The following ADAT2 variants were observed in gnomAD, a reference collection of about 807,000 sequenced individuals.
ADAT2 encodes the protein adenosine deaminase tRNA specific 2, also known as tRNA-specific adenosine-34 deaminase catalytic subunit ADAT2.
ADAT2 carries 26 observed loss-of-function variants against 25.9 expected under a neutral mutation model. The observed-to-expected ratio is 1.00, with a 90% confidence interval of 0.74 to 1.39. The LOEUF (loss-of-function observed/expected upper bound fraction) is 1.39, where lower values mean the gene tolerates loss of function less well. ADAT2 is among the 40% of genes most tolerant of loss of function. The pLI is 0.00. For missense variants in ADAT2, 220 were observed against 244.8 expected, an observed-to-expected ratio of 0.90 and a Z score of 0.68; for synonymous variants, 76 against 86.8, an observed-to-expected ratio of 0.88 and a Z score of 0.69.
intron 1 of ADAT2, 22 bp from the exon 2 acceptor site, chr6:143,438,716 G>C (rs1282443076): frequency 6.3e-7 from 1 of 1,577,024 alleles, no homozygotes; most frequent in Admixed American, 1.7e-5. Context: ...AGTGGAAAAT[G>C]TAAGACGTAA....
chr6:143,448,495 T>C (rs2128744357), intron 1 of ADAT2, among the ~76,000 whole-genome samples: 1 of 152,254 alleles, frequency 6.6e-6, no homozygotes, highest in African/African-American at 2.4e-5. Context: ...GTAATATACA[T>C]GTTACATACA....
intron 1 of ADAT2, among the ~76,000 whole-genome samples, chr6:143,439,505 C>G (rs1159476448): frequency 6.6e-6 from 1 of 152,100 alleles, no homozygotes; most frequent in East Asian, 1.9e-4. Context: ...TACTAGTCGG[C>G]AATAAAAAGG....
At chr6:143,445,044 G>A (rs755288687) in intron 1 of ADAT2, 8 of 944,436 alleles carry the variant, frequency 8.5e-6, no homozygotes, top group South Asian at 5.7e-5. Flanking sequence ...CTGTCCAAAA[G>A]GCTAAACTAT....
rs1178450911 is a variant in ADAT2, at chr6:143,450,633, G to C, written c.26C>G (p.Pro9Arg). ...CACCGAGCACGCGCCGCTTGCAGCT[G>C]GCTTGGGTGCCGCCTTCGCCTCCAT... MEAKAAPKPAASGACSVSA... is the reference protein window; with the variant it reads MEAKAAPKRAASGACSVSA... The change falls in exon 1 of 6, where the codon CCA (proline) becomes CGA (arginine). Residue 9 changes from proline (P) to arginine (R), a missense_variant. Pro to Arg is a moderately radical substitution (Grantham distance 103, BLOSUM62 -2). Coordinates refer to ENST00000237283, the MANE Select transcript of ADAT2 (RefSeq NM_182503.3). 16 of 1,613,816 alleles carry C rather than the reference G, an allele frequency of 9.9e-6. No homozygotes were observed. The highest frequency in any genetic ancestry group is 1.4e-5 in the Non-Finnish European group (16 of 1,180,040).
chr6:143,450,688 C>T lies in ADAT2; in HGVS notation c.-30G>A. 2.5e-6 allele frequency: 4 copies of T among 1,608,138 alleles called. No homozygotes were observed. The highest frequency in any genetic ancestry group is 3.4e-6 in the Non-Finnish European group (4 of 1,177,840). Reference sequence around the variant, plus strand: ...AGCCACCACTCAGCTACAGAGCCCGCGGCAGAGGAGGAGCGCGGGCAGCGG... The same window carrying T: ...AGCCACCACTCAGCTACAGAGCCCGTGGCAGAGGAGGAGCGCGGGCAGCGG... On this transcript the variant is annotated 5_prime_UTR_variant, in exon 1 of 6. Coordinates refer to ENST00000237283, the MANE Select transcript of ADAT2 (RefSeq NM_182503.3).
chr6:143,441,957 A>T (rs1779469830), intron 1 of ADAT2: 1 of 152,242 alleles, frequency 6.6e-6, no homozygotes, highest in Admixed American at 6.5e-5. Context: ...TGGTCGGAAT[A>T]TAAAATGGTA....
intron 1 of ADAT2, among the ~76,000 whole-genome samples, chr6:143,449,493 T>C (rs889505624): frequency 6.6e-6 from 1 of 152,214 alleles, no homozygotes; most frequent in African/African-American, 2.4e-5. Context: ...TACACAGGAT[T>C]AAGGAGGCAG....
chr6:143,435,158 A>T lies in ADAT2; in HGVS notation c.202-1177T>A, dbSNP rs796342449. Among the ~76,000 whole-genome samples the T allele has an allele frequency of 2.0e-3, 135 of 67,476 alleles. 2 individuals are homozygous for T. The highest frequency in any genetic ancestry group is 2.0e-3 in the Non-Finnish European group (60 of 29,534). The allele number at this position is 67,476 out of a possible 152,430, so 44.3% of individuals were successfully genotyped here. On this transcript the variant is annotated intron_variant, in intron 2 of 5. Transcript: ENST00000237283. ...CACACCAAAACTAAGTGGAGAGTTTAAAAAAAAAAAAAAAAAAAAGGTTTC... is the reference window on the plus strand; with the variant it reads ...CACACCAAAACTAAGTGGAGAGTTTTAAAAAAAAAAAAAAAAAAAGGTTTC...
At chr6:143,433,787 C>G in intron 3 of ADAT2, 44 bp downstream of exon 3, 1 of 1,553,544 alleles carries the variant, frequency 6.4e-7, no homozygotes, top group African/African-American at 1.4e-5. Context: ...CTCTCTTGTT[C>G]ACACGAATGG....
In ADAT2 at chr6:143,446,250, C is replaced by G. The variant is rs942908926; in HGVS notation, c.96+4313G>C. Among the ~76,000 whole-genome samples, 4 of 152,066 alleles carry G rather than the reference C, an allele frequency of 2.6e-5. No individual in the cohort carries two copies. The highest frequency in any genetic ancestry group is 9.7e-5 in the African/African-American group (4 of 41,404). ...ATACAGTTCAGCAGTCTGCCCTTTT[C>G]ATTTAGAAATGTATTGTTAACCTTT... On this transcript the variant is annotated intron_variant, in intron 1 of 5. Coordinates refer to ENST00000237283, the MANE Select transcript of ADAT2 (RefSeq NM_182503.3). This position sits in a 1 kb window ranked among gnomAD's most constrained non-coding sequence, Gnocchi z 5.0.
rs1171636726 is a variant in ADAT2 at position 143,434,365 on chromosome 6, A to G, written c.202-384T>C. Among the ~76,000 whole-genome samples the G allele has an allele frequency of 6.6e-6, 1 of 152,200 alleles. No homozygotes were observed. Among genetic ancestry groups the G allele is most frequent in the African/African-American group, 2.4e-5 (1 of 41,448 alleles). On this transcript the variant is annotated intron_variant, in intron 2 of 5. Transcript: ENST00000237283. The surrounding 1 kb of genome is among the most constrained non-coding windows in gnomAD (Gnocchi z 4.5). ...TTCATAAGCTTGTGCTCTAGTTTCA[A>G]ATATATTTTCAAGGCTGTCACTGAC...
rs1180499765 is a variant in ADAT2 at position 143,428,600 on chromosome 6, C to T, written c.532+12G>A. The T allele has an allele frequency of 2.5e-6, 4 of 1,613,690 alleles. No homozygotes were observed. Among genetic ancestry groups the T allele is most frequent in the African/African-American group, 2.7e-5 (2 of 74,924 alleles). ...TTTAAGGGAAGGACATTATCCACAA[C>T]AGAAAACTGACCATTTGGATTTTCT... On this transcript the variant is annotated intron_variant, in intron 5 of 5. Coordinates refer to ENST00000237283, the MANE Select transcript of ADAT2 (RefSeq NM_182503.3). The surrounding 1 kb of genome is among the most constrained non-coding windows in gnomAD (Gnocchi z 5.0).
At chr6:143,433,695 TGGCTAAGACACACTATA>T in intron 3 of ADAT2, 119 bp downstream of exon 3, 2 of 818,948 alleles carry the variant, frequency 2.4e-6, no homozygotes, top group African/African-American at 1.7e-5. Flanking sequence ...TTCTTTTTTT[TGGCTAAGACACACTATA>T]TTTTACAAGG....
chr6:143,447,415 A>G (rs908815000), intron 1 of ADAT2, among the ~76,000 whole-genome samples: 1 of 152,208 alleles, frequency 6.6e-6, no homozygotes, highest in Non-Finnish European at 1.5e-5. Flanking sequence ...AGGAGTGACT[A>G]ATATATTAAG....
rs1332765826 is a variant in ADAT2, at chr6:143,423,128, CA to C, written c.*5334del. 1 of 152,172 alleles carries C rather than the reference CA, an allele frequency of 6.6e-6. No individual in the cohort carries two copies. The highest frequency in any genetic ancestry group is 1.5e-5 in the Non-Finnish European group (1 of 68,052). 9.4% of individuals were successfully genotyped at this position (152,172 alleles called of 1,614,324 possible). A position where few individuals can be genotyped will look rare whatever the true frequency, so the allele number is the denominator to read the frequency against. ...TCTCAGCCTTTTACCTACTCTAGACCAGGGGCAGCTAACATTTTCTCGAAGG... is the reference window on the plus strand; with the variant it reads ...TCTCAGCCTTTTACCTACTCTAGACCGGGGCAGCTAACATTTTCTCGAAGG... On this transcript the variant is annotated 3_prime_UTR_variant, in exon 6 of 6. Transcript: ENST00000237283.
At chr6:143,445,784 A>G (rs938710375) in intron 1 of ADAT2, among the ~76,000 whole-genome samples, 17 of 152,272 alleles carry the variant, frequency 1.1e-4, no homozygotes, top group African/African-American at 4.1e-4. Flanking sequence ...CACCCAGCAC[A>G]AGGTCTAACA....
rs1779304395 is a variant in ADAT2, at chr6:143,436,902, C to T, written c.201+1688G>A. Reference sequence around the variant, plus strand: ...AAAGTATGACTTACATATATTCATGCTTCTCACTTATTACAGGGTAAATTT... The same window carrying T: ...AAAGTATGACTTACATATATTCATGTTTCTCACTTATTACAGGGTAAATTT... On this transcript the variant is annotated intron_variant, in intron 2 of 5. Transcript: ENST00000237283. This position sits in a 1 kb window ranked among gnomAD's most constrained non-coding sequence, Gnocchi z 4.1. Among the ~76,000 whole-genome samples the T allele has an allele frequency of 6.6e-6, 1 of 152,110 alleles. No individual in the cohort carries two copies. The highest frequency in any genetic ancestry group is 1.5e-5 in the Non-Finnish European group (1 of 67,990).
chr6:143,450,587 C>T lies in ADAT2; in HGVS notation c.72G>A (p.Lys24=), dbSNP rs776098874. Residue 24 remains lysine, a synonymous_variant, in exon 1 of 6, where the codon AAG becomes AAA. Transcript: ENST00000237283. The stretch of plus-strand genomic sequence containing the variant: ...CCATGTGCATCGCCTCCTCCATCCA[C>T]TTTTCGGTCTCCTCTGCCGACACCG... ...ACSVSAEETE[K]WMEEAMHMAK... 5 of 1,614,178 alleles carry T rather than the reference C, an allele frequency of 3.1e-6. 1 individual carries two copies. In the South Asian group the frequency reaches 5.5e-5, roughly 18 times the overall value.
chr6:143,438,620 C>G lies in ADAT2; in HGVS notation c.171G>C (p.Lys57Asn), dbSNP rs756385163. Residue 57 changes from lysine (K) to asparagine (N), a missense_variant, in exon 2 of 6, where the codon AAG becomes AAC. Coordinates refer to ENST00000237283, the MANE Select transcript of ADAT2 (RefSeq NM_182503.3). The stretch of plus-strand genomic sequence containing the variant: ...TGGTTTGGTTAACTTCATTTCTCCC[C>G]TTCCCTACAACTTCATTGTTGTAGA... ...LMVYNNEVVG[K>N]GRNEVNQTKN... is the part of the protein sequence containing the mutation. The G allele has an allele frequency of 6.2e-7, 1 of 1,613,302 alleles. No individual in the cohort carries two copies.
Sources: gnomAD v4.1 joint callset for allele counts (sites outside exome capture counted in the v4.1 genomes callset) on GRCh38, gnomAD v4.1.1 for gene constraint, Gnocchi (gnomAD v3.1) non-coding constraint, MANE v1.5 for transcripts, NCBI Gene and HGNC (gene_info 2026-07-23, HGNC 2026-07-21) for gene names.